The following ANO6 variants were observed in gnomAD, a reference collection of about 807,000 sequenced individuals.
The protein encoded by ANO6 is anoctamin-6.
In ANO6, 106 loss-of-function variants were observed where a neutral mutation model predicts 117.5. The observed-to-expected ratio is 0.90, with a 90% CI of 0.77 to 1.06. The LOEUF (loss-of-function observed/expected upper bound fraction) is 1.06. Ranked by LOEUF, ANO6 falls within the 50% of genes least tolerant of loss-of-function variation. ANO6 has a pLI of 0.00. For missense variants in ANO6, 955 were observed against 1,121.1 expected (o/e 0.85, Z 2.12); for synonymous variants, 367 against 385.1 (o/e 0.95, Z 0.55).
At chr12:45,410,651 G>A (rs1319401599) in intron 16 of ANO6, among the ~76,000 whole-genome samples, 1 of 152,040 alleles carries the variant, frequency 6.6e-6, no homozygotes, top group Non-Finnish European at 1.5e-5. Flanking sequence ...AAGCTTAGGA[G>A]AATAGAAAAA....
chr12:45,392,424 T>C (rs113415986), intron 12 of ANO6, among the ~76,000 whole-genome samples: 1 of 152,234 alleles, frequency 6.6e-6, no homozygotes, highest in African/African-American at 2.4e-5. Context: ...GGGCAGGGCA[T>C]AGCTGAACAA....
chr12:45,268,371 T>G (rs1360701943), intron 1 of ANO6, among the ~76,000 whole-genome samples: 1 of 151,958 alleles, frequency 6.6e-6, no homozygotes, highest in Non-Finnish European at 1.5e-5. Context: ...AATACAAAAA[T>G]TAGCCAGGTG....
At position 45,348,063 on chromosome 12, in the gene ANO6, C is replaced by G. The variant is rs144883809; in HGVS notation, c.381C>G (p.His127Gln). The G allele has an allele frequency of 1.9e-6, 3 of 1,613,840 alleles. No individual in the cohort carries two copies. Among genetic ancestry groups the G allele is most frequent in the Non-Finnish European group, 2.5e-6 (3 of 1,179,894 alleles). ...LDDKLVFVKV[H>Q]APWEVLCTYA... Reference sequence around the variant, plus strand: ...ACAAGCTTGTATTTGTAAAAGTACACGCACCATGGGAGGTGTTATGTACGT... The same window carrying G: ...ACAAGCTTGTATTTGTAAAAGTACAGGCACCATGGGAGGTGTTATGTACGT... Residue 127 changes from histidine to glutamine, a missense_variant, in exon 5 of 20, where the codon CAC becomes CAG. Transcript: ENST00000320560.
chr12:45,373,261 G>C (rs1205233440), intron 9 of ANO6, among the ~76,000 whole-genome samples: 2 of 152,014 alleles, frequency 1.3e-5, no homozygotes, highest in Non-Finnish European at 2.9e-5. Flanking sequence ...CATTAATAAT[G>C]GGAGACTTTA....
chr12:45,424,112 TATC>T (rs1460115973), intron 19 of ANO6, among the ~76,000 whole-genome samples: 1 of 151,888 alleles, frequency 6.6e-6, no homozygotes, highest in Non-Finnish European at 1.5e-5. Flanking sequence ...GTATCTGACA[TATC>T]AGCAAGAGTC....
chr12:45,439,940 T>A, exon 20 of ANO6: 1 of 1,469,600 alleles, frequency 6.8e-7, no homozygotes, highest in Non-Finnish European at 9.0e-7. Context: ...TTAAGTTAGA[T>A]TTATTCAATA....
chr12:45,310,040 T>C (rs1440483614), intron 2 of ANO6, among the ~76,000 whole-genome samples: 1 of 152,134 alleles, frequency 6.6e-6, no homozygotes, highest in African/African-American at 2.4e-5. Flanking sequence ...TTTTTGTGCA[T>C]TCAAGAACCG....
chr12:45,255,728 T>TGTTAAGAG (rs1189607095), intron 1 of ANO6, among the ~76,000 whole-genome samples: 1 of 151,778 alleles, frequency 6.6e-6, no homozygotes, highest in East Asian at 1.9e-4. Flanking sequence ...TGGCAGTGCT[T>TGTTAAGAG]GTTAAGAGGG....
chr12:45,290,262 C>T (rs556850909), intron 1 of ANO6, among the ~76,000 whole-genome samples: 10 of 151,696 alleles, frequency 6.6e-5, no homozygotes, highest in South Asian at 2.1e-4. Context: ...GAACCTATAG[C>T]GGCTTTTTTT....
intron 1 of ANO6, among the ~76,000 whole-genome samples, chr12:45,242,943 T>C (rs1009934728): frequency 2.0e-5 from 3 of 152,072 alleles, no homozygotes; most frequent in African/African-American, 7.2e-5. Context: ...TATAGAAAAA[T>C]CTATCTAATT....
At chr12:45,314,301 C>G (rs1344495129) in intron 2 of ANO6, among the ~76,000 whole-genome samples, 2 of 151,922 alleles carry the variant, frequency 1.3e-5, no homozygotes, top group East Asian at 3.9e-4. Context: ...AATGTACACC[C>G]AGGTTTAAGA....
intron 1 of ANO6, among the ~76,000 whole-genome samples, chr12:45,239,545 C>T (rs1947704678): frequency 6.6e-6 from 1 of 151,318 alleles, no homozygotes; most frequent in Admixed American, 6.6e-5. Flanking sequence ...TTTCTGTTTC[C>T]TTTAGTTCTG....
intron 1 of ANO6, among the ~76,000 whole-genome samples, chr12:45,221,824 C>T (rs1947403793): frequency 1.3e-5 from 2 of 148,948 alleles, no homozygotes; most frequent in South Asian, 4.3e-4. Context: ...TCCAACTAGT[C>T]TTTTAATTTT....
chr12:45,417,901 A>G (rs941573864), intron 17 of ANO6, among the ~76,000 whole-genome samples: 2 of 152,184 alleles, frequency 1.3e-5, no homozygotes, highest in Non-Finnish European at 2.9e-5. Context: ...TCCACTTCCC[A>G]GCACTGTAGC....
rs1303964647 is a variant in ANO6 at position 45,317,171 on chromosome 12, T to C, written c.151-14124T>C. 3.9e-5 allele frequency among the ~76,000 whole-genome samples: 5 copies of C among 127,686 alleles called. No homozygotes were observed. The East Asian group carries it at 1.1e-3, about 29-fold the overall frequency. The allele number at this position is 127,686 out of a possible 152,430, so 83.8% of individuals were successfully genotyped here. ...AGTTCCAGGGTACATGTGCACAACC[T>C]GCAGGTTTGTTACATATGTATACAT... On this transcript the variant is annotated intron_variant, in intron 2 of 19. Transcript: ENST00000320560.
chr12:45,417,563 C>T (rs1354627099), intron 17 of ANO6, among the ~76,000 whole-genome samples: 3 of 152,140 alleles, frequency 2.0e-5, no homozygotes, highest in Non-Finnish European at 2.9e-5. Context: ...AGCCTGTATT[C>T]ATTGATTATG....
At chr12:45,237,022 GTCT>G (rs1211238399) in intron 1 of ANO6, among the ~76,000 whole-genome samples, 1 of 152,164 alleles carries the variant, frequency 6.6e-6, no homozygotes, top group Admixed American at 6.5e-5. Context: ...CTGCATAAAT[GTCT>G]TCTTTTGAGA....
At chr12:45,323,684 T>G (rs1237415796) in intron 2 of ANO6, among the ~76,000 whole-genome samples, 1 of 152,156 alleles carries the variant, frequency 6.6e-6, no homozygotes, top group Non-Finnish European at 1.5e-5. Context: ...AGAGATACAA[T>G]ATACACACAA....
intron 1 of ANO6, among the ~76,000 whole-genome samples, chr12:45,271,595 T>G (rs1938395870): frequency 6.6e-6 from 1 of 152,218 alleles, no homozygotes; most frequent in Non-Finnish European, 1.5e-5. Context: ...GTCATTGCAG[T>G]GTACTTAGGA....
Sources: gnomAD v4.1 joint callset for allele counts (sites outside exome capture counted in the v4.1 genomes callset) on GRCh38, gnomAD v4.1.1 for gene constraint, MANE v1.5 for transcripts, NCBI Gene and HGNC (gene_info 2026-07-23, HGNC 2026-07-21) for gene names.